Variants in DIS3L2 observed in about 807,000 individuals in gnomAD.
DIS3L2 encodes DIS3-like exonuclease 2.
Under a neutral mutation model 97.5 loss-of-function variants are expected in DIS3L2, and 34 were observed. That is an observed-to-expected ratio of 0.35 (90% CI 0.27 to 0.46). The LOEUF (loss-of-function observed/expected upper bound fraction) is 0.46, where lower values mean the gene tolerates loss of function less well. DIS3L2 is among the 20% of genes least tolerant of loss of function. The pLI is 1.00. For synonymous variants in DIS3L2, 435 were observed against 445.2 expected (o/e 0.98, Z 0.29); for missense variants, 1,038 against 1,146.0 (o/e 0.91, Z 1.36).
intron 10 of DIS3L2, among the ~76,000 whole-genome samples, chr2:232,231,059 G>T (rs1692778983): frequency 6.6e-6 from 1 of 152,174 alleles, no homozygotes; most frequent in Admixed American, 6.5e-5. Context: ...ATAGGCTCCA[G>T]ACATTCGCTG....
chr2:232,339,153 C>G (rs1696054529), downstream of DIS3L2, among the ~76,000 whole-genome samples: 1 of 152,230 alleles, frequency 6.6e-6, no homozygotes, highest in South Asian at 2.1e-4. Flanking sequence ...TGGGGAGAGA[C>G]TGACGCCTCC....
Position 232,183,893 on chromosome 2 carries a change from G to A in DIS3L2, c.1124+20261G>A, listed in dbSNP as rs188293524. Among the ~76,000 whole-genome samples, 837 of 152,184 alleles carry A rather than the reference G, an allele frequency of 5.5e-3. 10 individuals are homozygous for A. Among genetic ancestry groups the A allele is most frequent in the Non-Finnish European group, 7.3e-3 (499 of 68,004 alleles). On this transcript the variant is annotated intron_variant, in intron 9 of 20. Transcript: ENST00000325385. Reference sequence around the variant, plus strand: ...ATTTCTCCTGTGATGCTGTTTTTAGGGTGCTGTAAACCTGTTCTTGCCACT... The same window carrying A: ...ATTTCTCCTGTGATGCTGTTTTTAGAGTGCTGTAAACCTGTTCTTGCCACT...
chr2:232,261,052 C>T (rs949967756), intron 12 of DIS3L2, among the ~76,000 whole-genome samples: 1 of 152,182 alleles, frequency 6.6e-6, no homozygotes, highest in Non-Finnish European at 1.5e-5. Flanking sequence ...AATACACTTC[C>T]ACGCATTTAT....
chr2:232,333,090 C>CTCCTCCTCT (rs1401362950), intron 16 of DIS3L2, among the ~76,000 whole-genome samples: 2 of 149,454 alleles, frequency 1.3e-5, no homozygotes, highest in Admixed American at 6.6e-5. Context: ...CGCAGGCGGC[C>CTCCTCCTCT]TCCTCCTCTT....
At chr2:232,329,041 T>TG in intron 14 of DIS3L2, 1 of 152,266 alleles carries the variant, frequency 6.6e-6, no homozygotes, top group Non-Finnish European at 1.5e-5. Context: ...AGTCCTTCTG[T>TG]GGGGAGCCAC....
At chr2:232,298,370 A>G (rs1388074238) in intron 13 of DIS3L2, among the ~76,000 whole-genome samples, 2 of 152,252 alleles carry the variant, frequency 1.3e-5, no homozygotes, top group Non-Finnish European at 2.9e-5. Context: ...CAGAATGAAT[A>G]TAGACCTGAC....
intron 4 of DIS3L2, among the ~76,000 whole-genome samples, chr2:232,029,193 A>G (rs1019239026): frequency 2.6e-5 from 4 of 152,194 alleles, no homozygotes; most frequent in Admixed American, 2.6e-4. Flanking sequence ...CTTCTTTCTT[A>G]TTCTCTGAAA....
chr2:232,236,649 C>G (rs1692940232), intron 10 of DIS3L2, among the ~76,000 whole-genome samples: 1 of 152,234 alleles, frequency 6.6e-6, no homozygotes, highest in South Asian at 2.1e-4. Flanking sequence ...ATCAATACAA[C>G]AAGTTGTATT....
intron 1 of DIS3L2, among the ~76,000 whole-genome samples, chr2:231,962,271 A>G (rs937505502): frequency 8.6e-6 from 1 of 116,752 alleles, no homozygotes; most frequent in Non-Finnish European, 1.7e-5. Flanking sequence ...TTGATCATAG[A>G]GAGTTTTTTT....
Position 232,270,842 on chromosome 2 carries a change from G to A in DIS3L2, c.1659+7402G>A, listed in dbSNP as rs114963774. 5.1e-3 allele frequency among the ~76,000 whole-genome samples: 751 copies of A among 147,888 alleles called. 10 individuals carry two copies. Among genetic ancestry groups the A allele is most frequent in the African/African-American group, 0.018 (708 of 40,230 alleles). On this transcript the variant is annotated intron_variant, in intron 13 of 20. Transcript: ENST00000325385. Reference sequence around the variant, plus strand: ...GCCTACACGGAGCTCTGGCGCACTCGCGCGCTCTCTTTTTCTCGTCTCTCT... The same window carrying A: ...GCCTACACGGAGCTCTGGCGCACTCACGCGCTCTCTTTTTCTCGTCTCTCT...
intron 13 of DIS3L2, among the ~76,000 whole-genome samples, chr2:232,277,444 C>T (rs900114872): frequency 6.6e-6 from 1 of 152,056 alleles, no homozygotes; most frequent in African/African-American, 2.4e-5. Context: ...GGATTATTTC[C>T]TTAGGAGTAC....
intron 6 of DIS3L2, among the ~76,000 whole-genome samples, chr2:232,116,243 A>C (rs1697707810): frequency 6.6e-6 from 1 of 152,140 alleles, no homozygotes; most frequent in Non-Finnish European, 1.5e-5. Flanking sequence ...ACTATTGTGA[A>C]GTTAAGCTTC....
intron 6 of DIS3L2, among the ~76,000 whole-genome samples, chr2:232,130,157 T>C (rs1158401851): frequency 6.6e-6 from 1 of 152,234 alleles, no homozygotes; most frequent in Non-Finnish European, 1.5e-5. Context: ...AAATATAATC[T>C]ATTTTCCACC....
chr2:232,220,465 T>G (rs1349595657), intron 10 of DIS3L2, among the ~76,000 whole-genome samples: 1 of 151,954 alleles, frequency 6.6e-6, no homozygotes, highest in Non-Finnish European at 1.5e-5. Context: ...TCCCAACACT[T>G]TAGGGAGGCC....
chr2:232,253,601 TG>T (rs1693474973), intron 12 of DIS3L2, among the ~76,000 whole-genome samples: 2 of 152,122 alleles, frequency 1.3e-5, no homozygotes, highest in Admixed American at 1.3e-4. Flanking sequence ...AATAGTAGAT[TG>T]ATAAAATGAA....
intron 4 of DIS3L2, among the ~76,000 whole-genome samples, chr2:232,028,038 C>T (rs1366962434): frequency 6.6e-6 from 1 of 152,124 alleles, no homozygotes; most frequent in Non-Finnish European, 1.5e-5. Flanking sequence ...ATAGGAGGCA[C>T]CCTTTGTACA....
In DIS3L2 at chr2:232,318,784, A is replaced by ACTGAG. The variant is rs1695347825; in HGVS notation, c.1740-11027_1740-11023dup. 2.6e-5 allele frequency among the ~76,000 whole-genome samples: 4 copies of ACTGAG among 152,310 alleles called. No individual in the cohort carries two copies. The South Asian group carries it at 8.3e-4, about 32-fold the overall frequency. ...AAGAGGCCTGGCCAAGCCCTGGAGAACTGAGCAGAGCAGAGAGCCGCCTCA... is the reference window on the plus strand; with the variant it reads ...AAGAGGCCTGGCCAAGCCCTGGAGAACTGAGCTGAGCAGAGCAGAGAGCCGCCTCA... On this transcript the variant is annotated intron_variant, in intron 14 of 20. Transcript: ENST00000325385.
chr2:232,090,344 T>C (rs1696801830), intron 6 of DIS3L2, among the ~76,000 whole-genome samples: 1 of 152,204 alleles, frequency 6.6e-6, no homozygotes, highest in South Asian at 2.1e-4. Context: ...TTATTTATAT[T>C]ACTTCCTTAG....
intron 8 of DIS3L2, among the ~76,000 whole-genome samples, chr2:232,147,098 T>G (rs975550421): frequency 6.6e-6 from 1 of 152,168 alleles, no homozygotes; most frequent in Non-Finnish European, 1.5e-5. Flanking sequence ...CTTTTACTCC[T>G]TTTCTGCTCC....
Sources: gnomAD v4.1 joint callset for allele counts (sites outside exome capture counted in the v4.1 genomes callset) on GRCh38, gnomAD v4.1.1 for gene constraint, MANE v1.5 for transcripts, NCBI Gene and HGNC (gene_info 2026-07-23, HGNC 2026-07-21) for gene names.